Variants in MAP7D1 observed in about 807,000 individuals in gnomAD.
MAP7D1 encodes MAP7 domain containing 1.
A neutral mutation model predicts 97.5 loss-of-function variants in MAP7D1; 30 were observed. The ratio of observed to expected loss-of-function variants is 0.31; its 90% CI spans 0.23 to 0.42. MAP7D1 has a LOEUF of 0.42. Among genes scored for constraint, MAP7D1 ranks in the 10% least tolerant of loss-of-function variants. The pLI, the probability that MAP7D1 is intolerant of heterozygous loss-of-function variation, is 1.00. For missense variants in MAP7D1, 1,184 were observed against 1,179.5 expected, an observed-to-expected ratio of 1.00 and a Z score of -0.06; for synonymous variants, 536 against 477.1, an observed-to-expected ratio of 1.12 and a Z score of -1.61.
In MAP7D1 at chr1:36,179,714, C is replaced by A; in HGVS notation, c.2276C>A (p.Ala759Asp). 1 of 1,517,728 alleles carries A rather than the reference C, an allele frequency of 6.6e-7. No individual in the cohort carries two copies. The allele number at this position is 1,517,728 out of a possible 1,614,324, so 94.0% of individuals were successfully genotyped here. A position where few individuals can be genotyped will look rare whatever the true frequency, so the allele number is the denominator to read the frequency against. Residue 759 changes from alanine (A) to aspartate (D), a missense_variant, in exon 15 of 17, where the codon GCT (alanine) becomes GAT (aspartate). By Grantham distance (126) the Ala-to-Asp change is moderately radical. Transcript: ENST00000474796. ...CGGTCCCCAGGGCTGCAGAAGGAGG[C>A]TGTGCAGAAAGAGGAGCCCATCCCA... is the stretch of plus-strand genomic sequence containing the variant. ...EARSPGLQKE[A>D]VQKEEPIPQE...
At chr1:36,177,590 C>A (rs765271856) in intron 8 of MAP7D1, 3 of 686,084 alleles carry the variant, frequency 4.4e-6, no homozygotes, top group African/African-American at 1.8e-5. Context: ...ACTCAGGGTG[C>A]TGAGGACACG....
In MAP7D1 at chr1:36,176,805, C is replaced by T. The variant is rs935508638; in HGVS notation, c.1342C>T (p.Arg448Cys). 8 of 1,593,248 alleles carry T rather than the reference C, an allele frequency of 5.0e-6. No individual in the cohort carries two copies. Among genetic ancestry groups the T allele is most frequent in the African/African-American group, 4.0e-5 (3 of 74,654 alleles). Residue 448 changes from arginine (R) to cysteine (C), a missense_variant, in exon 8 of 17, where the codon CGT becomes TGT. Coordinates refer to ENST00000474796, the MANE Select transcript of MAP7D1 (RefSeq NM_001388490.1). The surrounding 1 kb of genome is among the most constrained non-coding windows in gnomAD (Gnocchi z 6.1). The stretch of plus-strand genomic sequence containing the variant: ...GCGCCAGTCGCTGCCCGCCTCCCCA[C>T]GTGCCCGCCTCTCTGCCAGCACCGC... ...KKRQSLPASP[R>C]ARLSASTASE...
intron 1 of MAP7D1, among the ~76,000 whole-genome samples, chr1:36,160,141 C>T (rs1272749441): frequency 1.3e-5 from 2 of 152,202 alleles, no homozygotes. Context: ...AGCTGGGACC[C>T]ATGTCCTTAG....
intron 4 of MAP7D1, 79 bp from the exon 5 acceptor site, chr1:36,173,285 A>G: frequency 9.7e-7 from 1 of 1,032,286 alleles, no homozygotes; most frequent in Non-Finnish European, 1.5e-6. Flanking sequence ...GCATTGTCAC[A>G]GGAGGAAGAA....
At chr1:36,161,863 ATGTGTGTG>A (rs371183852) in intron 1 of MAP7D1, among the ~76,000 whole-genome samples, 2 of 137,846 alleles carry the variant, frequency 1.5e-5, no homozygotes, top group African/African-American at 5.7e-5. Flanking sequence ...TTTCCTCTGC[ATGTGTGTG>A]TGTGTATGTG....
At chr1:36,164,025 A>G (rs943776179) in intron 1 of MAP7D1, among the ~76,000 whole-genome samples, 2 of 151,722 alleles carry the variant, frequency 1.3e-5, no homozygotes, top group African/African-American at 2.4e-5. Flanking sequence ...GGGTTTTGCC[A>G]TTTGCCCAGG....
chr1:36,172,725 T>C (rs1644563715), intron 4 of MAP7D1, 98 bp downstream of exon 4: 3 of 1,265,186 alleles, frequency 2.4e-6, no homozygotes, highest in Admixed American at 3.1e-5. Context: ...CTCTGCCTTA[T>C]CTGTGTCTAT....
chr1:36,179,635 C>G, intron 14 of MAP7D1, 31 bp from the exon 15 acceptor site: 7 of 1,544,024 alleles, frequency 4.5e-6, no homozygotes, highest in Non-Finnish European at 6.1e-6. Context: ...TTGCCAGCCC[C>G]TGGCTGATGG....
intron 2 of MAP7D1, 39 bp from the exon 3 acceptor site, chr1:36,171,474 C>T (rs767290682): frequency 3.7e-6 from 6 of 1,610,064 alleles, no homozygotes; most frequent in Middle Eastern, 1.6e-4. Context: ...TCTTTGGGGA[C>T]AGCCTTTTGA....
Position 36,176,899 on chromosome 1 carries a change from C to T in MAP7D1, c.1379+57C>T. On this transcript the variant is annotated intron_variant, in intron 8 of 16. Coordinates refer to ENST00000474796, the MANE Select transcript of MAP7D1 (RefSeq NM_001388490.1). This position sits in a 1 kb window ranked among gnomAD's most constrained non-coding sequence, Gnocchi z 6.1. Reference sequence around the variant, plus strand: ...CTCACCGGGTCATTTATTCATCACCCACAAATATTTGTTGGGCAACCACCT... The same window carrying T: ...CTCACCGGGTCATTTATTCATCACCTACAAATATTTGTTGGGCAACCACCT... The T allele has an allele frequency of 7.0e-7, 1 of 1,431,338 alleles. No individual in the cohort carries two copies. The highest frequency in any genetic ancestry group is 9.5e-7 in the Non-Finnish European group (1 of 1,047,448). The allele number at this position is 1,431,338 out of a possible 1,614,324, so 88.7% of individuals were successfully genotyped here.
At chr1:36,162,263 C>G (rs1184968895) in intron 1 of MAP7D1, among the ~76,000 whole-genome samples, 2 of 152,198 alleles carry the variant, frequency 1.3e-5, no homozygotes, top group Non-Finnish European at 2.9e-5. Flanking sequence ...ACCTCACTTC[C>G]CGCCTCTTGG....
Position 36,176,356 on chromosome 1 carries a change from G to C in MAP7D1, c.1008G>C (p.Trp336Cys). 1 of 1,525,398 alleles carries C rather than the reference G, an allele frequency of 6.6e-7. No individual in the cohort carries two copies. The highest frequency in any genetic ancestry group is 8.8e-7 in the Non-Finnish European group (1 of 1,140,114). 94.5% of individuals were successfully genotyped at this position (1,525,398 alleles called of 1,614,324 possible). Residue 336 changes from tryptophan to cysteine, a missense_variant, in exon 7 of 17, where the codon TGG (tryptophan) becomes TGC (cysteine). By Grantham distance (215) the Trp-to-Cys change is radical. Transcript: ENST00000474796. The surrounding 1 kb of genome is among the most constrained non-coding windows in gnomAD (Gnocchi z 6.1). ...GCGACCCTGGGAGAGGCCCCACGTG[G>C]GGCCGGGCAGGGGCCAGCCTGGCGC... ...RGCDPGRGPT[W>C]GRAGASLARG...
chr1:36,178,881 C>T (rs376682164), intron 11 of MAP7D1, 40 bp from the exon 12 acceptor site: 18 of 1,549,374 alleles, frequency 1.2e-5, no homozygotes, highest in Admixed American at 5.9e-5. Context: ...GGAGGGAAGG[C>T]TGGAGTCAAG....
rs374463037 is a variant in MAP7D1 at position 36,171,031 on chromosome 1, C to G, written c.107C>G (p.Pro36Arg). 1.9e-6 allele frequency: 3 copies of G among 1,579,506 alleles called. No homozygotes were observed. The highest frequency in any genetic ancestry group is 1.7e-6 in the Non-Finnish European group (2 of 1,152,836). Reference sequence around the variant, plus strand: ...TCTCCAGAAGGTGACCCTTCCCCCCCACCACCACCAATGTCAGCCCTGGTC... The same window carrying G: ...TCTCCAGAAGGTGACCCTTCCCCCCGACCACCACCAATGTCAGCCCTGGTC... ...RPSPEGDPSP[P>R]PPPMSALVPD... Residue 36 changes from proline to arginine, a missense_variant, in exon 2 of 17, where the codon CCA (proline) becomes CGA (arginine). Coordinates refer to ENST00000474796, the MANE Select transcript of MAP7D1 (RefSeq NM_001388490.1).
rs1447734191 is a variant in MAP7D1 at position 36,178,073 on chromosome 1, GC to G, written c.1582del (p.Gln528ArgfsTer47). On this transcript the variant is annotated frameshift_variant, in exon 9 of 17. Coordinates refer to ENST00000474796, the MANE Select transcript of MAP7D1 (RefSeq NM_001388490.1). LOFTEE classifies it high-confidence loss of function. Reference sequence around the variant, plus strand: ...AGCGCCGCAGGGCCCGAGGACAAGAGCCAGAGCAAGCGCAGGGCCAGTAACG... The same window carrying G: ...AGCGCCGCAGGGCCCGAGGACAAGAGCAGAGCAAGCGCAGGGCCAGTAACG... ...SPSAAGPEDK[S>X]QSKRRASNEK... is the part of the protein sequence containing the mutation. The G allele has an allele frequency of 6.2e-7, 1 of 1,609,782 alleles. No individual in the cohort carries two copies.
intron 3 of MAP7D1, 42 bp downstream of exon 3, chr1:36,171,623 A>G: frequency 6.2e-7 from 1 of 1,603,966 alleles, no homozygotes; most frequent in Non-Finnish European, 8.5e-7. Context: ...CATCGTCATC[A>G]TCAGCATCCT....
In MAP7D1 at chr1:36,177,867, T is replaced by A; in HGVS notation, c.1380-6T>A. Reference sequence around the variant, plus strand: ...CCTAACCCTTCCCTTTTCCCTTTTCTCTTAGCCCCAAATCCAAGGCCAGGC... The same window carrying A: ...CCTAACCCTTCCCTTTTCCCTTTTCACTTAGCCCCAAATCCAAGGCCAGGC... On this transcript the variant is annotated splice_region_variant and splice_polypyrimidine_tract_variant and intron_variant, in intron 8 of 16. Coordinates refer to ENST00000474796, the MANE Select transcript of MAP7D1 (RefSeq NM_001388490.1). 3 of 1,527,612 alleles carry A rather than the reference T, an allele frequency of 2.0e-6. No individual in the cohort carries two copies. Among genetic ancestry groups the A allele is most frequent in the Non-Finnish European group, 2.6e-6 (3 of 1,138,526 alleles). 94.6% of individuals were successfully genotyped at this position (1,527,612 alleles called of 1,614,324 possible).
chr1:36,180,151 C>T, intron 16 of MAP7D1, 84 bp downstream of exon 16: 2 of 1,608,760 alleles, frequency 1.2e-6, no homozygotes, highest in South Asian at 1.1e-5. Flanking sequence ...TCTTCTGGCT[C>T]TGCCAGGCAC....
intron 1 of MAP7D1, among the ~76,000 whole-genome samples, chr1:36,166,256 G>A (rs1644473174): frequency 6.6e-6 from 1 of 152,172 alleles, no homozygotes; most frequent in African/African-American, 2.4e-5. Context: ...AGCAGGGGGA[G>A]AAGAGGAGAC....
Sources: allele counts gnomAD v4.1 joint callset (sites outside exome capture counted in the v4.1 genomes callset), GRCh38; gene constraint gnomAD v4.1.1; non-coding constraint Gnocchi (gnomAD v3.1); transcripts MANE v1.5; gene names NCBI Gene and HGNC (gene_info 2026-07-23, HGNC 2026-07-21).